BCORL1: variants seen among roughly 807,000 people sequenced by gnomAD.
The protein encoded by BCORL1 is BCL-6 corepressor-like protein 1.
A neutral mutation model predicts 87.6 loss-of-function variants in BCORL1; 7 were observed. The ratio of observed to expected loss-of-function variants is 0.08; its 90% CI spans 0.05 to 0.15. The LOEUF (loss-of-function observed/expected upper bound fraction) is 0.15. BCORL1 is among the 10% of genes least tolerant of loss of function. The pLI is 1.00. For missense variants in BCORL1, 1,215 were observed against 1,499.7 expected (o/e 0.81, Z 3.13); for synonymous variants, 591 against 634.4 (o/e 0.93, Z 1.03).
At chrX:130,020,490 T>G (rs1462914134) in intron 4 of BCORL1, among the ~76,000 whole-genome samples, 1 of 112,241 alleles carries the variant, frequency 8.9e-6, no homozygotes, top group Non-Finnish European at 1.9e-5. Flanking sequence ...TGAATCTATT[T>G]TCTGGTATTA....
intron 8 of BCORL1, among the ~76,000 whole-genome samples, chrX:130,033,237 A>G (rs1041885611): frequency 9.1e-6 from 1 of 109,887 alleles, no homozygotes; most frequent in Admixed American, 9.7e-5. Flanking sequence ...GTGTACCACC[A>G]CGCCCAGCTG....
intron 13 of BCORL1, among the ~76,000 whole-genome samples, chrX:130,055,536 C>T (rs1284753769): frequency 2.7e-5 from 3 of 112,679 alleles, no homozygotes; most frequent in African/African-American, 9.7e-5. Context: ...CCCAAGAAGC[C>T]TGCTAAGAGT....
chrX:130,014,949 C>T lies in BCORL1; in HGVS notation c.2177C>T (p.Ala726Val). ...GTGGGAGTGGCCAACCCAGTGCCTG[C>T]ATCCCTGCTGCTGAACAAAGACCCC... ...TYVGVANPVP[A>V]SLLLNKDPNL... Residue 726 changes from alanine to valine, a missense_variant, in exon 4 of 14, where the codon GCA becomes GTA. Around this residue, in one of 5 missense-constraint regions of BCORL1, gnomAD observed 861 missense variants for 1,010.0 expected, o/e 0.85. Transcript: ENST00000540052. 1 of 1,211,745 alleles carries T rather than the reference C, an allele frequency of 8.3e-7. No individual in the cohort carries two copies. Among genetic ancestry groups the T allele is most frequent in the Non-Finnish European group, 1.1e-6 (1 of 895,396 alleles).
intron 11 of BCORL1, among the ~76,000 whole-genome samples, chrX:130,042,234 G>A (rs865818435): frequency 9.0e-6 from 1 of 111,182 alleles, no homozygotes; most frequent in Middle Eastern, 4.6e-3. Context: ...GACCACGGGT[G>A]TGTGCCACCG....
At position 130,037,372 on chromosome X, in the gene BCORL1, T is replaced by C; in HGVS notation, c.4533T>C (p.Val1511=). Residue 1511 remains valine, a synonymous_variant, in exon 10 of 14, where the codon GTT becomes GTC. Transcript: ENST00000540052. ...AGTTGTCCCTGTCCCCACAGGATGT[T>C]GTTCTCTACTGCCTCCAGAAAGACA... ...QRAARLGYKD[V]VLYCLQKDSE... 1 of 1,211,063 alleles carries C rather than the reference T, an allele frequency of 8.3e-7. No homozygotes were observed. Among genetic ancestry groups the C allele is most frequent in the African/African-American group, 1.7e-5 (1 of 57,743 alleles).
chrX:130,021,340 G>T (rs1374055156), intron 5 of BCORL1, 190 bp downstream of exon 5: 2 of 715,478 alleles, frequency 2.8e-6, no homozygotes, highest in Non-Finnish European at 3.3e-6. Context: ...GGCCCCTTCT[G>T]CTCCTCCTGG....
In BCORL1 at chrX:130,022,894, C is replaced by T. The variant is rs750423934; in HGVS notation, c.3608-3C>T. On this transcript the variant is annotated splice_region_variant and splice_polypyrimidine_tract_variant and intron_variant, in intron 5 of 13. Coordinates refer to ENST00000540052, the MANE Select transcript of BCORL1 (RefSeq NM_001379451.1). ...TCTGTCCCCAAACCACACATCACTCCAGGTTCCTTGGAAAAGAAAGCAAAG... is the reference window on the plus strand; with the variant it reads ...TCTGTCCCCAAACCACACATCACTCTAGGTTCCTTGGAAAAGAAAGCAAAG... 64 of 1,207,910 alleles carry T rather than the reference C, an allele frequency of 5.3e-5. No homozygotes were observed. The highest frequency in any genetic ancestry group is 2.8e-4 in the Admixed American group (13 of 45,787).
rs143797443 is a variant in BCORL1 at position 130,025,302 on chromosome X, G to T, written c.4001G>T (p.Arg1334Leu). The change falls in exon 7 of 14, where the codon CGG becomes CTG. Residue 1334 changes from arginine (R) to leucine (L), a missense_variant. Arg to Leu is a moderately radical substitution (Grantham distance 102, BLOSUM62 -2). Around this residue, in one of 5 missense-constraint regions of BCORL1, gnomAD observed 166 missense variants for 196.5 expected, o/e 0.84. Coordinates refer to ENST00000540052, the MANE Select transcript of BCORL1 (RefSeq NM_001379451.1). ...EGLLKRKKRR[R>L]QKSRKYQTGE... ...CTGCTGAAGAGGAAGAAACGAAGAC[G>T]GCAGAAGAGCCGAAAATATCAGACT... The T allele has an allele frequency of 1.7e-6, 2 of 1,198,198 alleles. No individual in the cohort carries two copies. The highest frequency in any genetic ancestry group is 2.3e-5 in the Admixed American group (1 of 43,760).
At chrX:129,991,495 C>T (rs1162096453) in intron 1 of BCORL1, among the ~76,000 whole-genome samples, 2 of 108,131 alleles carry the variant, frequency 1.8e-5, no homozygotes, top group African/African-American at 3.4e-5. Flanking sequence ...CCACCATGCC[C>T]GGACAATTGT....
In BCORL1 at chrX:130,012,398, C is replaced by T. The variant is rs777507644; in HGVS notation, c.87-180C>T. On this transcript the variant is annotated intron_variant, in intron 2 of 13. Transcript: ENST00000540052. The stretch of plus-strand genomic sequence containing the variant: ...TAGGGACTTGCAAAGCTAGGTGTGG[C>T]GCCTCCGCTTTGTAACCAAGAACCC... 6.3e-5 allele frequency among the ~76,000 whole-genome samples: 7 copies of T among 111,399 alleles called. No individual in the cohort carries two copies. In the East Asian group the frequency reaches 1.7e-3, roughly 27 times the overall value.
intron 1 of BCORL1, among the ~76,000 whole-genome samples, chrX:130,000,393 T>G (rs1427871060): frequency 8.9e-6 from 1 of 112,414 alleles, no homozygotes; most frequent in Non-Finnish European, 1.9e-5. Flanking sequence ...CAGTCAAAAC[T>G]TGATTAACCA....
chrX:130,007,508 C>T (rs1928594310), intron 2 of BCORL1, among the ~76,000 whole-genome samples: 1 of 112,522 alleles, frequency 8.9e-6, no homozygotes, highest in Non-Finnish European at 1.9e-5. Context: ...TTCAAAAGAC[C>T]AGCGGGGCCG....
chrX:129,992,435 G>A (rs1927267347), intron 1 of BCORL1, among the ~76,000 whole-genome samples: 1 of 111,771 alleles, frequency 8.9e-6, no homozygotes, highest in South Asian at 3.7e-4. Flanking sequence ...AGGTGACAGA[G>A]TTGAGACCCA....
At chrX:130,039,056 C>A in intron 10 of BCORL1, 81 bp from the exon 11 acceptor site, 1 of 1,102,487 alleles carries the variant, frequency 9.1e-7, no homozygotes, top group South Asian at 2.0e-5. Context: ...TCAGTTTTTT[C>A]CCCTGATGCA....
At chrX:130,044,122 CTTG>C (rs1931586693) in intron 11 of BCORL1, among the ~76,000 whole-genome samples, 1 of 106,650 alleles carries the variant, frequency 9.4e-6, no homozygotes, top group African/African-American at 3.4e-5. Context: ...CCAGGATGGT[CTTG>C]ATCTCTTGAC....
intron 2 of BCORL1, among the ~76,000 whole-genome samples, chrX:130,011,598 T>C (rs5975165): frequency 0.24 from 11,840 of 50,307 alleles, 1,704 homozygotes; most frequent in African/African-American, 0.62. Flanking sequence ...GATGCCACCC[T>C]CTCCCTTTTT....
At chrX:129,996,629 T>A (rs1221923145) in intron 1 of BCORL1, among the ~76,000 whole-genome samples, 1 of 111,467 alleles carries the variant, frequency 9.0e-6, no homozygotes, top group Non-Finnish European at 1.9e-5. Context: ...TTTATTTATT[T>A]ATTTTTTGAG....
At chrX:130,051,709 G>A (rs1056136930) in intron 12 of BCORL1, 151 bp from the exon 13 acceptor site, 5 of 478,020 alleles carry the variant, frequency 1.0e-5, no homozygotes, top group South Asian at 5.8e-5. Context: ...CCATGGAACC[G>A]GCAAACCGCA....
intron 8 of BCORL1, among the ~76,000 whole-genome samples, chrX:130,031,481 A>G (rs755468171): frequency 1.8e-5 from 2 of 112,266 alleles, no homozygotes; most frequent in East Asian, 5.6e-4. Context: ...ACAGGTCAAC[A>G]AATATTTGTT....
Sources: gnomAD v4.1 joint callset for allele counts (sites outside exome capture counted in the v4.1 genomes callset) on GRCh38, gnomAD v4.1.1 for gene constraint, gnomAD v4.1.1 regional missense constraint, MANE v1.5 for transcripts, NCBI Gene and HGNC (gene_info 2026-07-23, HGNC 2026-07-21) for gene names.